ADRA1B: variants seen among roughly 807,000 people sequenced by gnomAD.
ADRA1B encodes the protein alpha-1B adrenergic receptor.
In ADRA1B, 17 loss-of-function variants were observed where a neutral mutation model predicts 17.9. That is an observed-to-expected ratio of 0.95 (90% CI 0.65 to 1.42). ADRA1B has a LOEUF of 1.42. Among genes scored for constraint, ADRA1B ranks in the 40% most tolerant of loss-of-function variants. The probability of loss-of-function intolerance (pLI) is 0.00; values close to 1 mark genes in which losing one functional copy is unlikely to be tolerated. For synonymous variants in ADRA1B, 366 were observed against 327.6 expected (o/e 1.12, Z -1.27); for missense variants, 681 against 722.1 (o/e 0.94, Z 0.65).
chr5:159,918,016 G>A (rs1754378371), intron 1 of ADRA1B, among the ~76,000 whole-genome samples, 162 bp downstream of exon 1: 1 of 152,140 alleles, frequency 6.6e-6, no homozygotes, highest in Non-Finnish European at 1.5e-5. Flanking sequence ...GCAGATTGGG[G>A]AGCTGGCTAA....
At chr5:159,932,806 T>C (rs1227190010) in intron 1 of ADRA1B, among the ~76,000 whole-genome samples, 1 of 152,246 alleles carries the variant, frequency 6.6e-6, no homozygotes, top group Non-Finnish European at 1.5e-5. Context: ...TGAAGGTCTT[T>C]CAATTTCAGT....
At chr5:159,981,785 C>T in the ADRA1B span, among the ~76,000 whole-genome samples, 4 of 152,232 alleles carry the variant, frequency 2.6e-5, no homozygotes, top group South Asian at 4.2e-4. Flanking sequence ...CGTGAGCTAC[C>T]GCACCCAGCC....
chr5:159,979,555 T>C, the ADRA1B span, among the ~76,000 whole-genome samples: 1 of 151,992 alleles, frequency 6.6e-6, no homozygotes, highest in Non-Finnish European at 1.5e-5. Flanking sequence ...ATGGAGGAAG[T>C]GGCATCTGAG....
At chr5:159,889,273 T>C (rs1753957773) in intron 1 of ADRA1B, among the ~76,000 whole-genome samples, 1 of 152,176 alleles carries the variant, frequency 6.6e-6, no homozygotes, top group Non-Finnish European at 1.5e-5. Flanking sequence ...CTAAATGTAA[T>C]ATTCCTTCTA....
rs995926747 is a variant in ADRA1B, at chr5:159,916,890, G to A, written c.-16G>A. On this transcript the variant is annotated 5_prime_UTR_variant, in exon 1 of 2. Transcript: ENST00000306675. ...GAGCCCAATCATCCCCCTGGCTATG[G>A]AGGGCGGACTCTAAGATGAATCCCG... 1.9e-6 allele frequency: 3 copies of A among 1,592,088 alleles called. No individual in the cohort carries two copies. Among genetic ancestry groups the A allele is most frequent in the Non-Finnish European group, 1.7e-6 (2 of 1,167,650 alleles).
At chr5:159,878,555 G>A (rs1279204464) in intron 1 of ADRA1B, among the ~76,000 whole-genome samples, 3 of 152,166 alleles carry the variant, frequency 2.0e-5, no homozygotes, top group Non-Finnish European at 4.4e-5. Flanking sequence ...CCCCCAGGTA[G>A]CACATATAAT....
intron 1 of ADRA1B, among the ~76,000 whole-genome samples, chr5:159,928,809 C>T (rs183615848): frequency 7.7e-4 from 117 of 152,316 alleles, no homozygotes; most frequent in African/African-American, 2.7e-3. Flanking sequence ...GGGCTCACAC[C>T]ACCAGCACTG....
intron 1 of ADRA1B, among the ~76,000 whole-genome samples, chr5:159,962,260 T>C (rs1306534703): frequency 6.6e-6 from 1 of 152,002 alleles, no homozygotes; most frequent in Non-Finnish European, 1.5e-5. Context: ...AGTAAGGAGA[T>C]AGGGACAGGG....
In ADRA1B at chr5:159,972,416, G is replaced by A. The variant is rs1241662854; in HGVS notation, c.1487G>A (p.Cys496Tyr). 1 of 1,508,638 alleles carries A rather than the reference G, an allele frequency of 6.6e-7. No homozygotes were observed. Among genetic ancestry groups the A allele is most frequent in the South Asian group, 1.2e-5 (1 of 81,670 alleles). 93.5% of individuals were successfully genotyped at this position (1,508,638 alleles called of 1,614,324 possible). ...GACGGCGGCGCCAGCAACGGAGGCTGCGAGGCCGCGGCCGACGTGGCCAAC... is the reference window on the plus strand; with the variant it reads ...GACGGCGGCGCCAGCAACGGAGGCTACGAGGCCGCGGCCGACGTGGCCAAC... ...GTDGGASNGG[C>Y]EAAADVANGQ... The change falls in exon 2 of 2, where the codon TGC becomes TAC. Residue 496 changes from cysteine (C) to tyrosine (Y), a missense_variant. Physicochemically the swap from Cys to Tyr is radical, Grantham distance 194 (BLOSUM62 -2). Coordinates refer to ENST00000306675, the MANE Select transcript of ADRA1B (RefSeq NM_000679.4).
the ADRA1B span, among the ~76,000 whole-genome samples, chr5:159,986,071 T>G: frequency 6.6e-6 from 1 of 152,222 alleles, no homozygotes; most frequent in Admixed American, 6.5e-5. Flanking sequence ...GGAGCCTTTT[T>G]AAGAGGGCCT....
At chr5:159,877,715 G>A (rs534279218) in intron 1 of ADRA1B, among the ~76,000 whole-genome samples, 1 of 152,274 alleles carries the variant, frequency 6.6e-6, no homozygotes, top group Non-Finnish European at 1.5e-5. Flanking sequence ...GGTAGGTACT[G>A]TCCCTAACCC....
intron 1 of ADRA1B, among the ~76,000 whole-genome samples, chr5:159,909,409 A>C (rs1023336114): frequency 6.6e-6 from 1 of 152,184 alleles, no homozygotes; most frequent in Non-Finnish European, 1.5e-5. Context: ...GGATGACCCC[A>C]AGGAAAAGGT....
the ADRA1B span, among the ~76,000 whole-genome samples, chr5:159,988,052 G>T: frequency 1.3e-5 from 2 of 152,196 alleles, no homozygotes; most frequent in African/African-American, 2.4e-5. Flanking sequence ...GGGGGGATTA[G>T]CCTGGATTAT....
downstream of ADRA1B, among the ~76,000 whole-genome samples, chr5:159,973,992 T>C (rs576304313): frequency 1.1e-4 from 17 of 152,326 alleles, no homozygotes; most frequent in South Asian, 1.9e-3. Context: ...TAAGTTGAGC[T>C]TCATAATTTT....
chr5:159,874,656 G>A (rs898102583), intron 1 of ADRA1B, among the ~76,000 whole-genome samples: 2 of 152,150 alleles, frequency 1.3e-5, no homozygotes, highest in Non-Finnish European at 2.9e-5. Context: ...TGATGACCTG[G>A]AGGCAAACAT....
At chr5:159,954,421 C>G (rs1755513635) in intron 1 of ADRA1B, among the ~76,000 whole-genome samples, 1 of 152,114 alleles carries the variant, frequency 6.6e-6, no homozygotes, top group African/African-American at 2.4e-5. Context: ...CATGAGGGCT[C>G]CACCCTCGTG....
rs116748356 is a variant in ADRA1B at position 159,919,409 on chromosome 5, G to A, written c.949+1555G>A. 4.1e-3 allele frequency among the ~76,000 whole-genome samples: 625 copies of A among 152,244 alleles called. 7 individuals carry two copies. The highest frequency in any genetic ancestry group is 0.014 in the African/African-American group (602 of 41,534). ...ACATGGAGCTGATGGAGGTGATTTG[G>A]CCTCTTATTAGCCATATGACCTTGG... On this transcript the variant is annotated intron_variant, in intron 1 of 1. Transcript: ENST00000306675.
At chr5:159,872,155 C>G (rs1042070226) in intron 1 of ADRA1B, among the ~76,000 whole-genome samples, 2 of 152,028 alleles carry the variant, frequency 1.3e-5, no homozygotes, top group African/African-American at 4.8e-5. Flanking sequence ...ATAAAATAAC[C>G]TTATTTTAAA....
chr5:159,944,277 T>C (rs1168188861), intron 1 of ADRA1B, among the ~76,000 whole-genome samples: 1 of 152,208 alleles, frequency 6.6e-6, no homozygotes, highest in Admixed American at 6.5e-5. Flanking sequence ...GGCCACTGGC[T>C]CCTGGCCAGA....
Sources: gnomAD v4.1 joint callset for allele counts (sites outside exome capture counted in the v4.1 genomes callset) on GRCh38, gnomAD v4.1.1 for gene constraint, MANE v1.5 for transcripts, NCBI Gene and HGNC (gene_info 2026-07-23, HGNC 2026-07-21) for gene names.